The following DYNC1I1 variants were observed in gnomAD, a reference collection of about 807,000 sequenced individuals.
DYNC1I1 encodes dynein cytoplasmic 1 intermediate chain 1.
DYNC1I1 carries 43 observed loss-of-function variants against 86.6 expected under a neutral mutation model. The observed-to-expected ratio is 0.50, with a 90% CI of 0.39 to 0.64. DYNC1I1 has a LOEUF of 0.64. Ranked by LOEUF, DYNC1I1 falls within the 30% of genes least tolerant of loss-of-function variation. The probability of loss-of-function intolerance (pLI) is 0.00; values close to 1 mark genes in which losing one functional copy is unlikely to be tolerated. For synonymous variants in DYNC1I1, 262 were observed against 283.7 expected (o/e 0.92, Z 0.77); for missense variants, 604 against 788.8 (o/e 0.77, Z 2.81).
intron 5 of DYNC1I1, among the ~76,000 whole-genome samples, chr7:95,850,400 G>T (rs904247809): frequency 2.0e-5 from 3 of 151,866 alleles, no homozygotes; most frequent in Non-Finnish European, 4.4e-5. Context: ...ATTTATTGAG[G>T]GTTTTTATCA....
chr7:95,944,587 C>CG (rs1406190989), intron 6 of DYNC1I1, among the ~76,000 whole-genome samples: 1 of 151,996 alleles, frequency 6.6e-6, no homozygotes, highest in Non-Finnish European at 1.5e-5. Context: ...ATGTTTATTG[C>CG]GGCACTATTC....
intron 3 of DYNC1I1, among the ~76,000 whole-genome samples, chr7:95,811,285 G>A (rs1018345042): frequency 6.6e-6 from 1 of 151,480 alleles, no homozygotes; most frequent in African/African-American, 2.4e-5. Context: ...TTAATCCTAG[G>A]GTGTCTATAA....
chr7:95,948,620 G>A (rs1792468731), intron 6 of DYNC1I1, among the ~76,000 whole-genome samples: 1 of 152,164 alleles, frequency 6.6e-6, no homozygotes, highest in African/African-American at 2.4e-5. Context: ...TACATAGGTA[G>A]AAATAATATC....
rs1015195825 is a variant in DYNC1I1 at position 96,107,094 on chromosome 7, T to G, written c.1543-2885T>G. On this transcript the variant is annotated intron_variant, in intron 16 of 16. Coordinates refer to the DYNC1I1 transcript ENST00000537881. ...CAGGCTGGAGTACAGTGGCATGATC[T>G]TGGCTCACTGAAACCTCTGCCTCCC... Among the ~76,000 whole-genome samples, 4 of 152,106 alleles carry G rather than the reference T, an allele frequency of 2.6e-5. No homozygotes were observed. In the South Asian group the frequency reaches 8.3e-4, roughly 32 times the overall value.
intron 4 of DYNC1I1, chr7:95,818,520 C>T: frequency 1.5e-6 from 1 of 669,998 alleles, no homozygotes; most frequent in East Asian, 2.7e-5. Context: ...TGCTATATTC[C>T]CCAGGCTGGT....
At chr7:95,790,282 G>A (rs1794260753) in intron 1 of DYNC1I1, among the ~76,000 whole-genome samples, 1 of 152,094 alleles carries the variant, frequency 6.6e-6, no homozygotes, top group African/African-American at 2.4e-5. Flanking sequence ...CTCAGTCTTT[G>A]GAATCTGGTC....
chr7:96,089,558 C>T (rs2106615), intron 16 of DYNC1I1, among the ~76,000 whole-genome samples: 28,225 of 151,936 alleles, frequency 0.19, 2,769 homozygotes, highest in Middle Eastern at 0.26. Flanking sequence ...CTTACCCTTC[C>T]CCCCAATCTC....
chr7:96,062,317 C>T lies in DYNC1I1; in HGVS notation c.1510-13740C>T, dbSNP rs140485809. ...AGGGAGCTGTATTCCTGTATTCTTC[C>T]GGAGACAGACATGTTTTGGTTGTTT... On this transcript the variant is annotated intron_variant, in intron 14 of 16. Transcript: ENST00000447467. Among the ~76,000 whole-genome samples the T allele has an allele frequency of 3.9e-3, 600 of 152,218 alleles. 4 individuals carry two copies. The highest frequency in any genetic ancestry group is 0.014 in the African/African-American group (562 of 41,528).
chr7:95,859,622 G>C (rs187122086), intron 5 of DYNC1I1, among the ~76,000 whole-genome samples: 1 of 152,206 alleles, frequency 6.6e-6, no homozygotes, highest in East Asian at 1.9e-4. Flanking sequence ...GCTGAAGCCT[G>C]CCTGCCACTG....
chr7:95,798,657 G>C (rs1163288865), intron 1 of DYNC1I1, among the ~76,000 whole-genome samples: 1 of 152,134 alleles, frequency 6.6e-6, no homozygotes, highest in East Asian at 1.9e-4. Context: ...AAATACATTT[G>C]CATATGCCAG....
chr7:95,801,290 C>T lies in DYNC1I1; in HGVS notation c.-9-3431C>T, dbSNP rs1365746627. ...GTTTATTTTTAAAATATTGACTCTC[C>T]GGCTGGGAATTCCAACTTAAATGAT... On this transcript the variant is annotated intron_variant, in intron 1 of 16. Transcript: ENST00000447467. 3.3e-5 allele frequency among the ~76,000 whole-genome samples: 5 copies of T among 152,062 alleles called. No homozygotes were observed. In the East Asian group the frequency reaches 7.7e-4, roughly 23 times the overall value.
intron 1 of DYNC1I1, among the ~76,000 whole-genome samples, chr7:95,774,859 C>A (rs1159659742): frequency 6.6e-6 from 1 of 152,136 alleles, no homozygotes; most frequent in Non-Finnish European, 1.5e-5. Context: ...CAGTGTGCAC[C>A]GGCTTCATCC....
At chr7:95,783,082 C>T (rs552201819) in intron 1 of DYNC1I1, among the ~76,000 whole-genome samples, 1 of 152,232 alleles carries the variant, frequency 6.6e-6, no homozygotes, top group African/African-American at 2.4e-5. Flanking sequence ...TGCCTGTTCC[C>T]ATTTAGGGCC....
intron 1 of DYNC1I1, among the ~76,000 whole-genome samples, chr7:95,785,392 C>T (rs946084487): frequency 7.9e-5 from 12 of 152,120 alleles, no homozygotes; most frequent in East Asian, 5.8e-4. Flanking sequence ...CCAGCCTGGG[C>T]GACACAGTGA....
intron 6 of DYNC1I1, among the ~76,000 whole-genome samples, chr7:95,870,627 A>G (rs1032994159): frequency 2.0e-5 from 3 of 152,238 alleles, no homozygotes; most frequent in Admixed American, 6.5e-5. Flanking sequence ...ATTTAAAAGT[A>G]TTTTCCCATG....
intron 6 of DYNC1I1, among the ~76,000 whole-genome samples, chr7:95,975,954 A>G (rs1470247254): frequency 6.6e-6 from 1 of 152,204 alleles, no homozygotes; most frequent in Non-Finnish European, 1.5e-5. Flanking sequence ...AGGACTTTCC[A>G]AATGGAATTT....
rs1562986981 is a variant in DYNC1I1 at position 96,053,702 on chromosome 7, T to C, written c.1509+14281T>C. The stretch of plus-strand genomic sequence containing the variant: ...TTTAATATTTCTTTTATGATATCTA[T>C]GTATTTCTTTAACTTGTTTCACAAT... On this transcript the variant is annotated intron_variant, in intron 14 of 16. Transcript: ENST00000447467. Among the ~76,000 whole-genome samples, 7 of 152,332 alleles carry C rather than the reference T, an allele frequency of 4.6e-5. No individual in the cohort carries two copies. In the South Asian group the frequency reaches 1.4e-3, roughly 32 times the overall value.
chr7:96,017,353 C>T (rs776573156), intron 10 of DYNC1I1, among the ~76,000 whole-genome samples: 28 of 152,264 alleles, frequency 1.8e-4, no homozygotes, highest in Non-Finnish European at 3.4e-4. Context: ...TGTACCACAT[C>T]GCTATTCCAG....
intron 16 of DYNC1I1, among the ~76,000 whole-genome samples, chr7:96,090,528 A>AG (rs1300010487): frequency 6.6e-6 from 1 of 151,890 alleles, no homozygotes; most frequent in Non-Finnish European, 1.5e-5. Flanking sequence ...CTGTAAAAAA[A>AG]AAACGTGGTA....
Sources: allele counts gnomAD v4.1 joint callset (sites outside exome capture counted in the v4.1 genomes callset), GRCh38; gene constraint gnomAD v4.1.1; transcripts MANE v1.5; gene names NCBI Gene and HGNC (gene_info 2026-07-23, HGNC 2026-07-21).